PAGE2B: variants seen among roughly 807,000 people sequenced by gnomAD.
The protein encoded by PAGE2B is putative G antigen family E member 3.
A neutral mutation model predicts 7.6 loss-of-function variants in PAGE2B; 5 were observed. The ratio of observed to expected loss-of-function variants is 0.66; its 90% confidence interval spans 0.34 to 1.38. PAGE2B has a LOEUF of 1.38. Among genes scored for constraint, PAGE2B ranks in the 40% most tolerant of loss-of-function variants. The pLI is 0.04. For synonymous variants in PAGE2B, 29 were observed against 26.7 expected (o/e 1.09, Z -0.27); for missense variants, 70 against 78.4 (o/e 0.89, Z 0.41).
At chrX:55,044,808 A>C in the PAGE2B span, 1 of 111,743 alleles carries the variant, frequency 8.9e-6, no homozygotes, top group African/African-American at 3.3e-5. Flanking sequence ...GACATTCATA[A>C]AGTTTTTCTC....
chrX:55,041,890 T>C, the PAGE2B span, among the ~76,000 whole-genome samples: 5 of 111,505 alleles, frequency 4.5e-5, no homozygotes, highest in African/African-American at 1.6e-4. Context: ...AAAATTGGCA[T>C]AGAAGGGATG....
At chrX:55,028,542 G>T in the PAGE2B span, among the ~76,000 whole-genome samples, 3 of 111,750 alleles carry the variant, frequency 2.7e-5, no homozygotes, top group Non-Finnish European at 5.6e-5. Context: ...AAAAACAGGA[G>T]AAATTAACAC....
At chrX:55,056,391 C>T in the PAGE2B span, among the ~76,000 whole-genome samples, 1 of 110,978 alleles carries the variant, frequency 9.0e-6, no homozygotes, top group Non-Finnish European at 1.9e-5. Flanking sequence ...CAAGTATTTC[C>T]TTGAACTTCG....
chrX:55,066,786 G>C, the PAGE2B span, among the ~76,000 whole-genome samples: 2 of 111,063 alleles, frequency 1.8e-5, no homozygotes, highest in African/African-American at 6.5e-5. Flanking sequence ...AAATCTGCTT[G>C]GTGTTCTATA....
At chrX:55,035,192 C>A in the PAGE2B span, among the ~76,000 whole-genome samples, 1 of 111,415 alleles carries the variant, frequency 9.0e-6, no homozygotes, top group African/African-American at 3.3e-5. Flanking sequence ...AGTTGACACT[C>A]GATATTAACC....
chrX:55,032,986 C>T, the PAGE2B span, among the ~76,000 whole-genome samples: 1 of 111,317 alleles, frequency 9.0e-6, no homozygotes, highest in African/African-American at 3.3e-5. Context: ...CCCTTTTAAA[C>T]CCCCACACTG....
the PAGE2B span, among the ~76,000 whole-genome samples, chrX:55,033,871 C>T: frequency 0.07 from 7,893 of 112,113 alleles, 641 homozygotes; most frequent in African/African-American, 0.23. Flanking sequence ...AACCATAAAA[C>T]TCACCCATTT....
At chrX:55,076,352 G>GTA (rs1936514220) in intron 2 of PAGE2B, among the ~76,000 whole-genome samples, 1 of 102,341 alleles carries the variant, frequency 9.8e-6, no homozygotes, top group African/African-American at 4.1e-5. Flanking sequence ...GTGTGTGTGT[G>GTA]TATATGTATA....
the PAGE2B span, among the ~76,000 whole-genome samples, chrX:55,052,091 A>G: frequency 2.7e-5 from 3 of 111,934 alleles, no homozygotes; most frequent in Non-Finnish European, 5.6e-5. Flanking sequence ...CCCTGTTTGC[A>G]TGGGTATCAG....
chrX:55,061,192 T>C, the PAGE2B span, among the ~76,000 whole-genome samples: 3 of 111,092 alleles, frequency 2.7e-5, no homozygotes, highest in African/African-American at 9.8e-5. Context: ...TATTTTCATA[T>C]GATTTCTTTT....
the PAGE2B span, among the ~76,000 whole-genome samples, chrX:55,028,659 C>G: frequency 1.8e-5 from 2 of 111,530 alleles, no homozygotes; most frequent in Admixed American, 1.9e-4. Context: ...AGCTCCTGTT[C>G]TCATTTCTCT....
At chrX:55,038,068 A>T in the PAGE2B span, among the ~76,000 whole-genome samples, 2 of 110,146 alleles carry the variant, frequency 1.8e-5, no homozygotes. Flanking sequence ...AAATAAAAAT[A>T]AAAAAAAGAA....
chrX:55,030,578 G>A, the PAGE2B span, among the ~76,000 whole-genome samples: 127 of 110,903 alleles, frequency 1.1e-3, no homozygotes, highest in African/African-American at 3.8e-3. Flanking sequence ...ACACAGAGAC[G>A]GAGAGATACA....
At chrX:55,072,054 G>A (rs1332596805), upstream of PAGE2B, among the ~76,000 whole-genome samples, 18 of 112,007 alleles carry the variant, frequency 1.6e-4, no homozygotes, top group Admixed American at 1.7e-3. Flanking sequence ...GCCTACTTCT[G>A]TCAGTTTGTC....
the PAGE2B span, among the ~76,000 whole-genome samples, chrX:55,042,653 C>CAAAAAAAAAAAAA: frequency 8.4e-5 from 1 of 11,862 alleles, no homozygotes; most frequent in Non-Finnish European, 1.2e-4. Context: ...GACTCCGTCT[C>CAAAAAAAAAAAAA]AAAAAAAAAA....
At chrX:55,075,739 C>T (rs192497767) in intron 1 of PAGE2B, among the ~76,000 whole-genome samples, 72 of 110,996 alleles carry the variant, frequency 6.5e-4, no homozygotes, top group Middle Eastern at 9.3e-3. Flanking sequence ...ATTCTCTGCC[C>T]TTTTTTCCCC....
intron 3 of PAGE2B, 28 bp downstream of exon 3, chrX:55,076,705 A>T: frequency 8.6e-7 from 1 of 1,161,896 alleles, no homozygotes. Flanking sequence ...AATAATGCTT[A>T]TGGGTGGTGG....
rs756287355 is a variant in PAGE2B, at chrX:55,075,296, TGGGACGA to T, written c.-9+194_-9+200del. On this transcript the variant is annotated intron_variant, in intron 1 of 4. Coordinates refer to ENST00000374971, the MANE Select transcript of PAGE2B (RefSeq NM_001015038.3). ...GTGGGACTTGTCGTCGTGGCTGGGC[TGGGACGA>T]GGGACGAGGGAGGAAGGTGGGCCAC... Among the ~76,000 whole-genome samples, 244 of 111,202 alleles carry T rather than the reference TGGGACGA, an allele frequency of 2.2e-3. 2 individuals are homozygous for T. Among genetic ancestry groups the T allele is most frequent in the African/African-American group, 7.4e-3 (225 of 30,583 alleles).
the PAGE2B span, among the ~76,000 whole-genome samples, chrX:55,060,827 A>G: frequency 9.1e-6 from 1 of 110,294 alleles, no homozygotes; most frequent in South Asian, 3.8e-4. Flanking sequence ...GTTTTAGTAA[A>G]TTATATTTTC....
Sources: allele counts gnomAD v4.1 joint callset (sites outside exome capture counted in the v4.1 genomes callset), GRCh38; gene constraint gnomAD v4.1.1; transcripts MANE v1.5; gene names NCBI Gene and HGNC (gene_info 2026-07-23, HGNC 2026-07-21).